PRKCE: variants seen among roughly 807,000 people sequenced by gnomAD.
The protein encoded by PRKCE is protein kinase C epsilon.
Under a neutral mutation model 85.4 loss-of-function variants are expected in PRKCE, and 16 were observed. The observed-to-expected ratio is 0.19, with a 90% CI of 0.13 to 0.28. The LOEUF (loss-of-function observed/expected upper bound fraction) is 0.28. Ranked by LOEUF, PRKCE falls within the 10% of genes least tolerant of loss-of-function variation. The pLI is 1.00. For missense variants in PRKCE, 573 were observed against 975.2 expected, an observed-to-expected ratio of 0.59 and a Z score of 5.49; for synonymous variants, 388 against 371.5, an observed-to-expected ratio of 1.04 and a Z score of -0.51.
At chr2:45,700,099 G>A (rs1237083028) in intron 1 of PRKCE, among the ~76,000 whole-genome samples, 3 of 152,084 alleles carry the variant, frequency 2.0e-5, no homozygotes, top group South Asian at 2.1e-4. Context: ...TAACCAGGCC[G>A]CCTGGGGTTG....
intron 10 of PRKCE, among the ~76,000 whole-genome samples, chr2:46,084,903 C>G (rs1356812494): frequency 6.6e-6 from 1 of 152,120 alleles, no homozygotes; most frequent in East Asian, 1.9e-4. Context: ...CTCTCCAGGC[C>G]TAGCTGCATC....
intron 11 of PRKCE, among the ~76,000 whole-genome samples, chr2:46,140,575 T>C (rs999658615): frequency 1.3e-5 from 2 of 152,178 alleles, no homozygotes; most frequent in African/African-American, 4.8e-5. Context: ...ATAAAAGTAC[T>C]GGGAGAAACC....
chr2:46,174,070 T>A (rs921029447), intron 14 of PRKCE, among the ~76,000 whole-genome samples: 1 of 152,160 alleles, frequency 6.6e-6, no homozygotes, highest in African/African-American at 2.4e-5. Flanking sequence ...ATTTAGAAAA[T>A]AGATATGTGT....
intron 10 of PRKCE, among the ~76,000 whole-genome samples, chr2:46,035,537 G>T (rs932171769): frequency 1.3e-5 from 2 of 152,198 alleles, no homozygotes; most frequent in Non-Finnish European, 2.9e-5. Context: ...CCAGACTTAG[G>T]GAAGGAGTGT....
intron 2 of PRKCE, among the ~76,000 whole-genome samples, chr2:45,922,193 G>T (rs1464119112): frequency 6.6e-6 from 1 of 152,180 alleles, no homozygotes; most frequent in African/African-American, 2.4e-5. Context: ...GTTGACATTG[G>T]TTTGAGGTTA....
intron 1 of PRKCE, among the ~76,000 whole-genome samples, chr2:45,654,570 A>G (rs1044589906): frequency 1.3e-5 from 2 of 152,168 alleles, no homozygotes; most frequent in Non-Finnish European, 2.9e-5. Flanking sequence ...CTCCCAGCCT[A>G]TTCTCCCTGC....
intron 10 of PRKCE, among the ~76,000 whole-genome samples, chr2:46,056,569 C>T (rs1425985850): frequency 2.0e-5 from 3 of 152,274 alleles, no homozygotes; most frequent in Admixed American, 1.3e-4. Flanking sequence ...CAGCAATTAG[C>T]GAATTAAGAT....
chr2:46,099,986 C>T (rs1353482507), intron 11 of PRKCE, among the ~76,000 whole-genome samples: 3 of 152,144 alleles, frequency 2.0e-5, no homozygotes, highest in Non-Finnish European at 4.4e-5. Context: ...TAATAAAGCT[C>T]AGTCTTAGTT....
intron 8 of PRKCE, 37 bp from the exon 9 acceptor site, chr2:46,007,425 A>G (rs1363939260): frequency 6.3e-7 from 1 of 1,589,538 alleles, no homozygotes; most frequent in Admixed American, 1.7e-5. Flanking sequence ...CTTAAGAGGT[A>G]TGCACTAATG....
intron 2 of PRKCE, among the ~76,000 whole-genome samples, chr2:45,918,902 T>A (rs928966373): frequency 2.6e-5 from 4 of 152,204 alleles, no homozygotes; most frequent in Non-Finnish European, 1.5e-5. Flanking sequence ...CACAGCTCCT[T>A]TCACCATCTA....
chr2:45,909,395 A>C (rs1697215904), intron 2 of PRKCE, among the ~76,000 whole-genome samples: 1 of 146,904 alleles, frequency 6.8e-6, no homozygotes, highest in Non-Finnish European at 1.5e-5. Context: ...ACTTGCCAGT[A>C]CTGTGCATCA....
intron 10 of PRKCE, among the ~76,000 whole-genome samples, chr2:46,043,182 T>C (rs977630150): frequency 2.0e-5 from 3 of 152,184 alleles, no homozygotes; most frequent in African/African-American, 7.2e-5. Flanking sequence ...ATAAAACAGT[T>C]TCAGATATGT....
intron 2 of PRKCE, among the ~76,000 whole-genome samples, chr2:45,964,180 C>T (rs1701579809): frequency 6.6e-6 from 1 of 152,206 alleles, no homozygotes; most frequent in African/African-American, 2.4e-5. Context: ...CTCTACTCGG[C>T]ACATTCACAC....
intron 2 of PRKCE, among the ~76,000 whole-genome samples, chr2:45,904,938 C>T (rs1437746051): frequency 2.0e-5 from 3 of 152,190 alleles, no homozygotes; most frequent in Middle Eastern, 3.2e-3. Context: ...TGGGGGTCCA[C>T]GTGTGAGGTC....
chr2:46,090,249 T>G (rs1025276403), intron 11 of PRKCE, among the ~76,000 whole-genome samples: 1 of 152,136 alleles, frequency 6.6e-6, no homozygotes, highest in Non-Finnish European at 1.5e-5. Flanking sequence ...TTAAAAAAAG[T>G]GTTCTCTAGG....
In PRKCE at chr2:45,785,978, C is replaced by T. The variant is rs553662730; in HGVS notation, c.349-57022C>T. Reference sequence around the variant, plus strand: ...GGCACCTGCTGCTGAGACCCAGAACCTTCCTAGGGTTCTGCTGCAGTCATG... The same window carrying T: ...GGCACCTGCTGCTGAGACCCAGAACTTTCCTAGGGTTCTGCTGCAGTCATG... On this transcript the variant is annotated intron_variant, in intron 1 of 14. Transcript: ENST00000306156. 2.0e-5 allele frequency among the ~76,000 whole-genome samples: 3 copies of T among 152,242 alleles called. No individual in the cohort carries two copies. The East Asian group carries it at 5.8e-4, about 29-fold the overall frequency.
chr2:45,888,075 A>G (rs1374388627), intron 2 of PRKCE, among the ~76,000 whole-genome samples: 1 of 152,200 alleles, frequency 6.6e-6, no homozygotes, highest in African/African-American at 2.4e-5. Flanking sequence ...GCAGATGAAA[A>G]CAGAACTGAG....
At chr2:46,033,076 G>C (rs2104956897) in intron 10 of PRKCE, among the ~76,000 whole-genome samples, 1 of 152,284 alleles carries the variant, frequency 6.6e-6, no homozygotes, top group South Asian at 2.1e-4. Flanking sequence ...AGCATGAGTT[G>C]GATGGCCTCC....
chr2:46,037,630 T>C (rs1707950983), intron 10 of PRKCE, among the ~76,000 whole-genome samples: 1 of 152,190 alleles, frequency 6.6e-6, no homozygotes, highest in African/African-American at 2.4e-5. Flanking sequence ...CTACCAATAA[T>C]ACATTTCAAG....
Sources: allele counts gnomAD v4.1 joint callset (sites outside exome capture counted in the v4.1 genomes callset), GRCh38; gene constraint gnomAD v4.1.1; transcripts MANE v1.5; gene names NCBI Gene and HGNC (gene_info 2026-07-23, HGNC 2026-07-21).